MYO5B: variants seen among roughly 807,000 people sequenced by gnomAD.
MYO5B encodes myosin VB, also known as unconventional myosin-Vb.
A neutral mutation model predicts 229.3 loss-of-function variants in MYO5B; 143 were observed. The ratio of observed to expected loss-of-function variants is 0.62; its 90% CI spans 0.54 to 0.72. The LOEUF (loss-of-function observed/expected upper bound fraction) is 0.72. Ranked by LOEUF, MYO5B falls within the 30% of genes least tolerant of loss-of-function variation. MYO5B has a pLI of 0.00. For synonymous variants in MYO5B, 918 were observed against 885.2 expected (o/e 1.04, Z -0.66); for missense variants, 2,321 against 2,331.0 (o/e 1.00, Z 0.09).
At chr18:49,906,077 G>T (rs1046082601) in intron 19 of MYO5B, among the ~76,000 whole-genome samples, 20 of 152,300 alleles carry the variant, frequency 1.3e-4, no homozygotes, top group African/African-American at 4.8e-4. Flanking sequence ...ACTGTGCCAG[G>T]CTGTATTGGT....
intron 21 of MYO5B, 56 bp from the exon 22 acceptor site, chr18:49,895,230 T>G: frequency 6.9e-7 from 1 of 1,454,772 alleles, no homozygotes; most frequent in Admixed American, 1.7e-5. Flanking sequence ...GAAGAAAAGG[T>G]TATTTTACCA....
At chr18:49,972,125 A>G (rs1172913585) in intron 10 of MYO5B, among the ~76,000 whole-genome samples, 1 of 152,180 alleles carries the variant, frequency 6.6e-6, no homozygotes, top group African/African-American at 2.4e-5. Flanking sequence ...TGGCACTAGG[A>G]ACAGGAGACC....
chr18:50,164,335 C>G (rs1173794773), intron 1 of MYO5B, among the ~76,000 whole-genome samples: 2 of 152,312 alleles, frequency 1.3e-5, no homozygotes, highest in African/African-American at 4.8e-5. Context: ...AGCAAGCCAT[C>G]CCAACCTGTC....
Position 49,872,227 on chromosome 18 carries a change from T to C in MYO5B, c.3543A>G (p.Glu1181=), listed in dbSNP as rs943117561. The change falls in exon 27 of 40, where the codon GAA becomes GAG. Residue 1181 remains glutamate, a synonymous_variant. Coordinates refer to ENST00000285039, the MANE Select transcript of MYO5B (RefSeq NM_001080467.3). ...EQQDSKKVQA[E]PPQTDIDLDP... ...CCAAATCTATGTCAGTCTGTGGTGG[T>C]TCCGCCTGCATGGATAGAGACACAA... 1.2e-6 allele frequency: 2 copies of C among 1,614,102 alleles called. No individual in the cohort carries two copies. The highest frequency in any genetic ancestry group is 2.7e-5 in the African/African-American group (2 of 75,044).
chr18:50,164,513 T>A (rs1203643287), intron 1 of MYO5B, among the ~76,000 whole-genome samples: 2 of 152,222 alleles, frequency 1.3e-5, no homozygotes, highest in African/African-American at 4.8e-5. Flanking sequence ...GGTATTCACA[T>A]ACATTATTTG....
At chr18:49,847,101 C>A in intron 33 of MYO5B, 45 bp downstream of exon 33, 1 of 1,612,064 alleles carries the variant, frequency 6.2e-7, no homozygotes, top group Non-Finnish European at 8.5e-7. Context: ...GGAGCGGGGG[C>A]TGAAGGAGGG....
At chr18:49,967,072 T>C (rs1239407116) in intron 10 of MYO5B, among the ~76,000 whole-genome samples, 1 of 152,196 alleles carries the variant, frequency 6.6e-6, no homozygotes, top group African/African-American at 2.4e-5. Context: ...AAAATCAGTG[T>C]TGAAAATATT....
chr18:49,843,231 G>C lies in MYO5B; in HGVS notation c.4611+10C>G. On this transcript the variant is annotated intron_variant, in intron 34 of 39. Transcript: ENST00000285039. ...ACCACAAACCATGACCTTCTGCAGG[G>C]GCTGCTTACTTTCAGGACTTTCTTA... 6.2e-7 allele frequency: 1 copy of C among 1,613,574 alleles called. No individual in the cohort carries two copies.
chr18:49,910,818 A>G (rs1314969542), intron 18 of MYO5B, among the ~76,000 whole-genome samples: 1 of 152,186 alleles, frequency 6.6e-6, no homozygotes, highest in East Asian at 1.9e-4. Context: ...AACCTGAAAA[A>G]TTAAAATTTC....
intron 27 of MYO5B, among the ~76,000 whole-genome samples, chr18:49,871,870 T>G (rs2024459635): frequency 6.6e-6 from 1 of 152,260 alleles, no homozygotes; most frequent in African/African-American, 2.4e-5. Flanking sequence ...GGCAGATCCC[T>G]CTGCCCTATG....
intron 1 of MYO5B, among the ~76,000 whole-genome samples, chr18:50,143,932 A>G (rs1332877172): frequency 6.6e-6 from 1 of 152,110 alleles, no homozygotes; most frequent in Non-Finnish European, 1.5e-5. Flanking sequence ...TGGAATATCC[A>G]TTTTCTGGAG....
At chr18:49,888,188 G>T (rs1304690338) in intron 22 of MYO5B, among the ~76,000 whole-genome samples, 1 of 151,954 alleles carries the variant, frequency 6.6e-6, no homozygotes, top group East Asian at 1.9e-4. Flanking sequence ...GGGGAGTAAG[G>T]GACTCTCCTG....
chr18:49,960,444 G>A (rs2025546345), intron 12 of MYO5B, among the ~76,000 whole-genome samples: 1 of 152,320 alleles, frequency 6.6e-6, no homozygotes, highest in Middle Eastern at 3.4e-3. Context: ...AGACATGGGT[G>A]CTTCCAGGCC....
chr18:49,844,361 C>T (rs1356618647), intron 33 of MYO5B, among the ~76,000 whole-genome samples: 1 of 152,238 alleles, frequency 6.6e-6, no homozygotes, highest in Non-Finnish European at 1.5e-5. Flanking sequence ...CACCATAGCT[C>T]TGCACTGTAT....
intron 10 of MYO5B, among the ~76,000 whole-genome samples, chr18:49,964,872 G>C (rs983513250): frequency 2.6e-5 from 4 of 152,218 alleles, no homozygotes; most frequent in African/African-American, 9.6e-5. Context: ...TTAGAGGGGA[G>C]GATGGGGGTC....
intron 1 of MYO5B, among the ~76,000 whole-genome samples, chr18:50,087,527 C>T (rs1396628773): frequency 6.9e-6 from 1 of 145,778 alleles, no homozygotes; most frequent in Non-Finnish European, 1.5e-5. Context: ...GAGGTGAGAT[C>T]GTGCCACTGC....
chr18:49,849,516 T>C lies in MYO5B; in HGVS notation c.4315+51A>G, dbSNP rs751230335. The C allele has an allele frequency of 3.0e-5, 40 of 1,321,976 alleles. No individual in the cohort carries two copies. The Middle Eastern group carries it at 1.0e-3, about 34-fold the overall frequency. The allele number at this position is 1,321,976 out of a possible 1,614,324, so 81.9% of individuals were successfully genotyped here. ...GGCAGACAGCTCACACCCACAGGCG[T>C]GGCCAAGTATACCTGTGATTCACAA... is the stretch of plus-strand genomic sequence containing the variant. On this transcript the variant is annotated intron_variant, in intron 32 of 39. Transcript: ENST00000285039.
At chr18:50,133,751 C>T (rs2032290994) in intron 1 of MYO5B, among the ~76,000 whole-genome samples, 1 of 152,182 alleles carries the variant, frequency 6.6e-6, no homozygotes, top group Non-Finnish European at 1.5e-5. Flanking sequence ...AACACAAAGG[C>T]CCAGGCCCCT....
intron 1 of MYO5B, among the ~76,000 whole-genome samples, chr18:50,124,374 G>C (rs573257194): frequency 1.2e-4 from 18 of 152,282 alleles, no homozygotes; most frequent in African/African-American, 4.1e-4. Context: ...AAGGGGAGTT[G>C]GTACACCTTT....
Sources: allele counts gnomAD v4.1 joint callset (sites outside exome capture counted in the v4.1 genomes callset), GRCh38; gene constraint gnomAD v4.1.1; transcripts MANE v1.5; gene names NCBI Gene and HGNC (gene_info 2026-07-23, HGNC 2026-07-21).